Variants in SEMA6B observed in about 807,000 individuals in gnomAD.
SEMA6B encodes semaphorin-6B.
Under a neutral mutation model 78.6 loss-of-function variants are expected in SEMA6B, and 47 were observed. The observed-to-expected ratio is 0.60, with a 90% CI of 0.47 to 0.76. The LOEUF is 0.76. SEMA6B is among the 30% of genes least tolerant of loss of function. The pLI, the probability that SEMA6B is intolerant of heterozygous loss-of-function variation, is 0.00. For missense variants in SEMA6B, 1,213 were observed against 1,269.9 expected (o/e 0.96, Z 0.68); for synonymous variants, 632 against 592.2 (o/e 1.07, Z -0.98).
In SEMA6B at chr19:4,558,505, G is replaced by T. The variant is rs1037345371; in HGVS notation, c.-32-16C>A. On this transcript the variant is annotated splice_polypyrimidine_tract_variant and intron_variant, in intron 1 of 16. Transcript: ENST00000586582. The surrounding 1 kb of genome is among the most constrained non-coding windows in gnomAD (Gnocchi z 5.1). ...GAGGTGACGCCTGCGGGCAAGGGGC[G>T]GCGAGGTGAGCGGCCTGCAGTCCCG... 8.1e-7 allele frequency: 1 copy of T among 1,234,466 alleles called. No individual in the cohort carries two copies. Among genetic ancestry groups the T allele is most frequent in the African/African-American group, 1.6e-5 (1 of 64,514 alleles). 76.5% of individuals were successfully genotyped at this position (1,234,466 alleles called of 1,614,324 possible).
chr19:4,553,997 G>A (rs949781180), intron 9 of SEMA6B, among the ~76,000 whole-genome samples: 4 of 152,114 alleles, frequency 2.6e-5, no homozygotes, highest in African/African-American at 9.7e-5. Context: ...GTGGGCAGAT[G>A]AGTAGATGGA....
Position 4,546,231 on chromosome 19 carries a change from A to C in SEMA6B, c.1723T>G (p.Leu575Val), listed in dbSNP as rs376433844. ...CCCAACTCACCTGTGCAGTCCCCTA[A>C]GCCTGAGGTGCTGGCCCCGGACACG... ...QDVSGASTSG[L>V]GDCTGLLRAS... is the part of the protein sequence containing the mutation. The change falls in exon 16 of 17, where the codon TTA becomes GTA. Residue 575 changes from leucine (L) to valine (V), a missense_variant. By Grantham distance (32) the Leu-to-Val change is conservative. Coordinates refer to ENST00000586582, the MANE Select transcript of SEMA6B (RefSeq NM_032108.4). The C allele has an allele frequency of 2.4e-5, 38 of 1,612,238 alleles. No homozygotes were observed. Among genetic ancestry groups the C allele is most frequent in the Non-Finnish European group, 3.1e-5 (37 of 1,179,880 alleles).
At chr19:4,557,981 T>C in intron 3 of SEMA6B, 45 bp downstream of exon 3, 6 of 1,312,546 alleles carry the variant, frequency 4.6e-6, no homozygotes, top group Non-Finnish European at 5.9e-6. Context: ...TCCCCCTCGC[T>C]CATTCTGCTC....
In SEMA6B at chr19:4,558,463, G is replaced by T; in HGVS notation, c.-6C>A. On this transcript the variant is annotated 5_prime_UTR_variant, in exon 2 of 17. Transcript: ENST00000586582. This position sits in a 1 kb window ranked among gnomAD's most constrained non-coding sequence, Gnocchi z 5.1. ...GACGCTCGCGGGGTCTGCATGGCGA[G>T]GGCCAGGCGACAGGAGGAGGTGACG... 1 of 1,243,214 alleles carries T rather than the reference G, an allele frequency of 8.0e-7. No homozygotes were observed. The allele number at this position is 1,243,214 out of a possible 1,614,324, so 77.0% of individuals were successfully genotyped here.
At chr19:4,553,379 GTGGATGGATGGA>G (rs529191124) in intron 9 of SEMA6B, among the ~76,000 whole-genome samples, 4 of 116,600 alleles carry the variant, frequency 3.4e-5, no homozygotes, top group Non-Finnish European at 7.1e-5. Flanking sequence ...GGATGGGTGA[GTGGATGGATGGA>G]TGGATGGATG....
At chr19:4,549,969 C>T (rs1180886317) in intron 12 of SEMA6B, among the ~76,000 whole-genome samples, 154 bp downstream of exon 12, 3 of 152,144 alleles carry the variant, frequency 2.0e-5, no homozygotes, top group Admixed American at 2.0e-4. Flanking sequence ...TTCCTAGTGT[C>T]TCTCCATCTT....
At chr19:4,548,529 GCATA>G in intron 12 of SEMA6B, 84 bp from the exon 13 acceptor site, 2 of 1,276,670 alleles carry the variant, frequency 1.6e-6, no homozygotes, top group Non-Finnish European at 2.2e-6. Flanking sequence ...TTACACGGGT[GCATA>G]CAGACACTGA....
Position 4,553,806 on chromosome 19 carries a change from T to TG in SEMA6B, c.771+581dup, listed in dbSNP as rs1977400658. Among the ~76,000 whole-genome samples, 6 of 142,118 alleles carry TG rather than the reference T, an allele frequency of 4.2e-5. No homozygotes were observed. The Admixed American group carries it at 4.3e-4, about 10-fold the overall frequency. The allele number at this position is 142,118 out of a possible 152,430, so 93.2% of individuals were successfully genotyped here. A position where few individuals can be genotyped will look rare whatever the true frequency, so the allele number is the denominator to read the frequency against. On this transcript the variant is annotated intron_variant, in intron 9 of 16. Coordinates refer to ENST00000586582, the MANE Select transcript of SEMA6B (RefSeq NM_032108.4). ...TGGGTGGATGGGATGGATGGATGGA[T>TG]GAATGGATGGGTGAATGGATTGGCA... is the stretch of plus-strand genomic sequence containing the variant.
rs1261989006 is a variant in SEMA6B, at chr19:4,556,071, C to G, written c.388G>C (p.Val130Leu). The G allele has an allele frequency of 1.2e-6, 2 of 1,614,016 alleles. No homozygotes were observed. Among genetic ancestry groups the G allele is most frequent in the Non-Finnish European group, 1.7e-6 (2 of 1,179,940 alleles). Residue 130 changes from valine to leucine, a missense_variant, in exon 6 of 17, where the codon GTA becomes CTA. Val to Leu is a conservative substitution (Grantham distance 32). Transcript: ENST00000586582. ...TCGTCCCGAAGGAGCAGCACCTTTA[C>G]GAAGTTTCGACACTCGCCCTGAGGT... ...GKQEGECRNF[V>L]KVLLLRDEST...
chr19:4,545,086 A>G (rs1055093557), intron 16 of SEMA6B, among the ~76,000 whole-genome samples: 4 of 151,964 alleles, frequency 2.6e-5, no homozygotes, highest in Admixed American at 2.6e-4. Flanking sequence ...GCTCACACCC[A>G]TAATCCTAGC....
In SEMA6B at chr19:4,547,923, AATGACCAGG is replaced by A. The variant is rs553315986; in HGVS notation, c.1601+95_1601+103del. 2,696 of 1,381,886 alleles carry A rather than the reference AATGACCAGG, an allele frequency of 2.0e-3. 34 individuals carry two copies. The highest frequency in any genetic ancestry group is 0.018 in the Middle Eastern group (73 of 3,980). The allele number at this position is 1,381,886 out of a possible 1,614,324, so 85.6% of individuals were successfully genotyped here. ...ACGGGCCATGCCCTCTGCCCAGCTCAATGACCAGGACATCATTGGGCTTTTGACTGGAAC... is the reference window on the plus strand; with the variant it reads ...ACGGGCCATGCCCTCTGCCCAGCTCAACATCATTGGGCTTTTGACTGGAAC... On this transcript the variant is annotated intron_variant, in intron 14 of 16. Transcript: ENST00000586582.
In SEMA6B at chr19:4,550,438, A is replaced by G. The variant is rs554450817; in HGVS notation, c.1122-166T>C. 2.6e-5 allele frequency among the ~76,000 whole-genome samples: 4 copies of G among 152,110 alleles called. No individual in the cohort carries two copies. In the South Asian group the frequency reaches 6.2e-4, roughly 24 times the overall value. On this transcript the variant is annotated intron_variant, in intron 11 of 16. Coordinates refer to ENST00000586582, the MANE Select transcript of SEMA6B (RefSeq NM_032108.4). The surrounding 1 kb of genome is among the most constrained non-coding windows in gnomAD (Gnocchi z 6.6). ...CGCCCAGGCTGGAGTGCTTTGGCTC[A>G]CTGCAACCTCCACCTCCTGGGTTCA...
chr19:4,543,585 T>C lies in SEMA6B; in HGVS notation c.*16A>G. ...TCCCGTGGCTGGCACTGCCAAGGCATCGGGGGGCCCCCGGCCTAGGGCACG... is the reference window on the plus strand; with the variant it reads ...TCCCGTGGCTGGCACTGCCAAGGCACCGGGGGGCCCCCGGCCTAGGGCACG... On this transcript the variant is annotated 3_prime_UTR_variant, in exon 17 of 17. Coordinates refer to ENST00000586582, the MANE Select transcript of SEMA6B (RefSeq NM_032108.4). 8.3e-7 allele frequency: 1 copy of C among 1,209,054 alleles called. No homozygotes were observed. The highest frequency in any genetic ancestry group is 1.0e-6 in the Non-Finnish European group (1 of 964,066). The allele number at this position is 1,209,054 out of a possible 1,614,324, so 74.9% of individuals were successfully genotyped here. A position where few individuals can be genotyped will look rare whatever the true frequency, so the allele number is the denominator to read the frequency against.
At position 4,558,752 on chromosome 19, in the gene SEMA6B, T is replaced by A. The variant is rs1236161868; in HGVS notation, c.-32-263A>T. Among the ~76,000 whole-genome samples, 2 of 151,948 alleles carry A rather than the reference T, an allele frequency of 1.3e-5. No homozygotes were observed. Among genetic ancestry groups the A allele is most frequent in the Non-Finnish European group, 2.9e-5 (2 of 68,020 alleles). On this transcript the variant is annotated intron_variant, in intron 1 of 16. Transcript: ENST00000586582. The surrounding 1 kb of genome is among the most constrained non-coding windows in gnomAD (Gnocchi z 5.1). ...TCGGTAATTTAAAACTAATAATAAT[T>A]ATTATAATAATAGATACAAATATCC...
chr19:4,544,264 G>A lies in SEMA6B; in HGVS notation c.2004C>T (p.Gly668=), dbSNP rs1362492385. 7 of 1,286,278 alleles carry A rather than the reference G, an allele frequency of 5.4e-6. No homozygotes were observed. Among genetic ancestry groups the A allele is most frequent in the Non-Finnish European group, 6.9e-6 (7 of 1,020,712 alleles). 79.7% of individuals were successfully genotyped at this position (1,286,278 alleles called of 1,614,324 possible). The change falls in exon 17 of 17, where the codon GGC becomes GGT. Residue 668 remains glycine (G), a synonymous_variant. Transcript: ENST00000586582. This position sits in a 1 kb window ranked among gnomAD's most constrained non-coding sequence, Gnocchi z 5.1. ...GGGGAACCCCGGCGCCACCGCCACC[G>A]CCTCCGCCCCGGCCCCCGGGACCCT... ...RAQGPGGRGG[G]GGGGAGVPPE... is the part of the protein sequence containing the mutation.
chr19:4,552,600 C>A lies in SEMA6B; in HGVS notation c.811G>T (p.Val271Leu). ...SRVARVCKND[V>L]GGSPRVLEKQ... The stretch of plus-strand genomic sequence containing the variant: ...TCCAGCACGCGGGGGGAGCCTCCCA[C>A]GTCGTTCTTGCACACTCGGGCCACG... The change falls in exon 10 of 17, where the codon GTG becomes TTG. Residue 271 changes from valine to leucine, a missense_variant. Val to Leu is a conservative substitution (Grantham distance 32, BLOSUM62 1). Coordinates refer to ENST00000586582, the MANE Select transcript of SEMA6B (RefSeq NM_032108.4). The surrounding 1 kb of genome is among the most constrained non-coding windows in gnomAD (Gnocchi z 7.4). 6.2e-7 allele frequency: 1 copy of A among 1,612,182 alleles called. No homozygotes were observed. The highest frequency in any genetic ancestry group is 8.5e-7 in the Non-Finnish European group (1 of 1,179,524).
At chr19:4,548,205 C>T (rs1403007411) in intron 13 of SEMA6B, 32 bp from the exon 14 acceptor site, 1 of 1,588,618 alleles carries the variant, frequency 6.3e-7, no homozygotes, top group Non-Finnish European at 8.6e-7. Flanking sequence ...AGGCTGAGCG[C>T]ATCTCAGCCC....
chr19:4,554,514 T>G, intron 8 of SEMA6B, 38 bp from the exon 9 acceptor site: 2 of 1,523,538 alleles, frequency 1.3e-6, no homozygotes, highest in South Asian at 2.2e-5. Context: ...GCCCCTGACA[T>G]GACAAAGGGG....
chr19:4,549,276 G>GGT (rs1182909059), intron 12 of SEMA6B, among the ~76,000 whole-genome samples: 2 of 147,166 alleles, frequency 1.4e-5, no homozygotes. Flanking sequence ...TTGTTCTCCT[G>GGT]GTGTGTGTCT....
Sources: gnomAD v4.1 joint callset for allele counts (sites outside exome capture counted in the v4.1 genomes callset) on GRCh38, gnomAD v4.1.1 for gene constraint, Gnocchi (gnomAD v3.1) non-coding constraint, MANE v1.5 for transcripts, NCBI Gene and HGNC (gene_info 2026-07-23, HGNC 2026-07-21) for gene names.